Variants in NYNRIN observed in about 807,000 individuals in gnomAD.
NYNRIN encodes NYN domain and retroviral integrase containing.
A neutral mutation model predicts 146.6 loss-of-function variants in NYNRIN; 86 were observed. The observed-to-expected ratio is 0.59, with a 90% CI of 0.49 to 0.70. The LOEUF (loss-of-function observed/expected upper bound fraction) is 0.70, where lower values mean the gene tolerates loss of function less well. Among genes scored for constraint, NYNRIN ranks in the 30% least tolerant of loss-of-function variants. The probability of loss-of-function intolerance (pLI) is 0.00; values close to 1 mark genes in which losing one functional copy is unlikely to be tolerated. For synonymous variants in NYNRIN, 1,027 were observed against 1,001.3 expected (o/e 1.03, Z -0.48); for missense variants, 2,191 against 2,377.7 (o/e 0.92, Z 1.63).
rs2042949649 is a variant in NYNRIN, at chr14:24,416,650, A to T, written c.4901A>T (p.His1634Leu). The change falls in exon 9 of 9, where the codon CAT (histidine) becomes CTT (leucine). Residue 1634 changes from histidine to leucine, a missense_variant. Around this residue, in one of 3 missense-constraint regions of NYNRIN, gnomAD observed 1,291 missense variants for 1,417.0 expected, o/e 0.91. Transcript: ENST00000382554. ...PVTISEEGHK[H>L]VLIVADPNTR... ...ACCATAAGTGAGGAGGGCCATAAGC[A>T]TGTACTTATTGTGGCTGACCCAAAC... 2 of 1,613,804 alleles carry T rather than the reference A, an allele frequency of 1.2e-6. No individual in the cohort carries two copies. Among genetic ancestry groups the T allele is most frequent in the Non-Finnish European group, 1.7e-6 (2 of 1,179,880 alleles).
rs45560633 is a variant in NYNRIN, at chr14:24,415,613, G to A, written c.3864G>A (p.Ala1288=). 0.021 allele frequency: 33,293 copies of A among 1,613,884 alleles called. 435 individuals are homozygous for A. The highest frequency in any genetic ancestry group is 0.024 in the Non-Finnish European group (28,007 of 1,179,860). ...GGGAGAACCGCCTGCTCACCCCCGC[G>A]GCCTCCATGCCTCGCTTCTTCCAGG... ...LLGENRLLTP[A]ASMPRFFQVL... The change falls in exon 9 of 9, where the codon GCG becomes GCA. Residue 1288 remains alanine, a synonymous_variant. Coordinates refer to ENST00000382554, the MANE Select transcript of NYNRIN (RefSeq NM_025081.3).
rs897172842 is a variant in NYNRIN at position 24,404,966 on chromosome 14, C to G, written c.199-2903C>G. Among the ~76,000 whole-genome samples, 4 of 151,724 alleles carry G rather than the reference C, an allele frequency of 2.6e-5. No homozygotes were observed. In the South Asian group the frequency reaches 8.3e-4, roughly 32 times the overall value. The stretch of plus-strand genomic sequence containing the variant: ...TTTGTACTCCCTGGAGAACAGCCCT[C>G]CAGTGAGCGGGAAGCTACTTGCCAA... On this transcript the variant is annotated intron_variant, in intron 2 of 8. Transcript: ENST00000382554.
chr14:24,416,232 C>T lies in NYNRIN; in HGVS notation c.4483C>T (p.Leu1495=). Residue 1495 remains leucine (L), a synonymous_variant, in exon 9 of 9, where the codon CTG becomes TTG. Transcript: ENST00000382554. ...CACCCTGGCCGACATCATTGCCAGG[C>T]TGCAGGCTGGGCAGAAACTGTCTGG... ...DSTLADIIAR[L]QAGQKLSGSS... 1.2e-6 allele frequency: 2 copies of T among 1,613,984 alleles called. No homozygotes were observed. The highest frequency in any genetic ancestry group is 1.1e-5 in the South Asian group (1 of 91,086).
At chr14:24,406,304 AG>A (rs2042875699) in intron 2 of NYNRIN, among the ~76,000 whole-genome samples, 1 of 152,172 alleles carries the variant, frequency 6.6e-6, no homozygotes, top group African/African-American at 2.4e-5. Context: ...AGAAAGAGAA[AG>A]AAGCCACCCA....
chr14:24,407,781 G>A, intron 2 of NYNRIN, 88 bp from the exon 3 acceptor site: 6 of 1,289,560 alleles, frequency 4.7e-6, no homozygotes, highest in South Asian at 1.4e-5. Flanking sequence ...CATGGTTAGT[G>A]AGGGGCTGGC....
chr14:24,410,290 C>T, intron 4 of NYNRIN, 82 bp downstream of exon 4: 4 of 1,134,454 alleles, frequency 3.5e-6, no homozygotes, highest in Non-Finnish European at 5.0e-6. Context: ...ATGTGGGCAT[C>T]CCTTCCCAAC....
chr14:24,400,294 C>A (rs1386987102), intron 2 of NYNRIN, among the ~76,000 whole-genome samples: 1 of 152,346 alleles, frequency 6.6e-6, no homozygotes, highest in East Asian at 1.9e-4. Flanking sequence ...CTCTCACAAG[C>A]TTTTCCTCCC....
chr14:24,416,198 G>C lies in NYNRIN; in HGVS notation c.4449G>C (p.Leu1483=). The C allele has an allele frequency of 6.2e-7, 1 of 1,613,988 alleles. No homozygotes were observed. Among genetic ancestry groups the C allele is most frequent in the South Asian group, 1.1e-5 (1 of 91,084 alleles). The change falls in exon 9 of 9, where the codon CTG becomes CTC. Residue 1483 remains leucine (L), a synonymous_variant. Coordinates refer to ENST00000382554, the MANE Select transcript of NYNRIN (RefSeq NM_025081.3). The part of the protein sequence containing the change: ...GKRPNLLALQ[L]SDSTLADIIA... ...GGCCCAATTTGCTGGCATTACAGCT[G>C]AGTGACAGCACCCTGGCCGACATCA...
chr14:24,416,791 AG>A lies in NYNRIN; in HGVS notation c.5046del (p.Gln1684SerfsTer8). 6.2e-7 allele frequency: 1 copy of A among 1,612,998 alleles called. No individual in the cohort carries two copies. The highest frequency in any genetic ancestry group is 8.5e-7 in the Non-Finnish European group (1 of 1,179,428). On this transcript the variant is annotated frameshift_variant, in exon 9 of 9. Coordinates refer to ENST00000382554, the MANE Select transcript of NYNRIN (RefSeq NM_025081.3). LOFTEE classifies it high-confidence loss of function. ...WGVPVRLEAA[Q>X]GPQFARHVLV... The stretch of plus-strand genomic sequence containing the variant: ...GTTCCTGTGAGGCTGGAGGCAGCCC[AG>A]GGGCCCCAGTTTGCCCGGCACGTCC...
In NYNRIN at chr14:24,414,778, C is replaced by T; in HGVS notation, c.3029C>T (p.Thr1010Ile). The change falls in exon 9 of 9, where the codon ACA becomes ATA. Residue 1010 changes from threonine to isoleucine, a missense_variant. Thr to Ile is a moderately conservative substitution (Grantham distance 89, BLOSUM62 -1). Coordinates refer to ENST00000382554, the MANE Select transcript of NYNRIN (RefSeq NM_025081.3). ...QDEEQRQGQG[T>I]QKAAEEDDLD... Reference sequence around the variant, plus strand: ...GAGGAGCAGAGACAGGGGCAGGGCACACAGAAGGCGGCTGAGGAGGACGAC... The same window carrying T: ...GAGGAGCAGAGACAGGGGCAGGGCATACAGAAGGCGGCTGAGGAGGACGAC... 1 of 1,613,820 alleles carries T rather than the reference C, an allele frequency of 6.2e-7. No individual in the cohort carries two copies. The highest frequency in any genetic ancestry group is 8.5e-7 in the Non-Finnish European group (1 of 1,179,824).
At position 24,409,367 on chromosome 14, in the gene NYNRIN, G is replaced by A. The variant is rs761763445; in HGVS notation, c.1573G>A (p.Ala525Thr). 26 of 1,613,926 alleles carry A rather than the reference G, an allele frequency of 1.6e-5. No individual in the cohort carries two copies. In the South Asian group the frequency reaches 2.5e-4, roughly 16 times the overall value. The change falls in exon 4 of 9, where the codon GCT becomes ACT. Residue 525 changes from alanine to threonine, a missense_variant. By Grantham distance (58) the Ala-to-Thr change is moderately conservative. Around this residue, in one of 3 missense-constraint regions of NYNRIN, gnomAD observed 895 missense variants for 941.2 expected, o/e 0.95. Coordinates refer to ENST00000382554, the MANE Select transcript of NYNRIN (RefSeq NM_025081.3). Reference protein sequence around the residue: ...VLPTGQGKPVAQGGLTDQSVP... With the variant: ...VLPTGQGKPVTQGGLTDQSVP... ...GCCAACAGGGCAAGGGAAGCCCGTGGCTCAAGGGGGGCTGACAGATCAGTC... is the reference window on the plus strand; with the variant it reads ...GCCAACAGGGCAAGGGAAGCCCGTGACTCAAGGGGGGCTGACAGATCAGTC...
chr14:24,415,353 C>T lies in NYNRIN; in HGVS notation c.3604C>T (p.Pro1202Ser), dbSNP rs766822337. Residue 1202 changes from proline (P) to serine (S), a missense_variant, in exon 9 of 9, where the codon CCC (proline) becomes TCC (serine). This residue lies in a region of NYNRIN where 1,291 missense variants were observed against 1,417.0 expected (regional missense o/e 0.91). Transcript: ENST00000382554. ...CCTCCCTGATGAGGAGAGCCAGGGC[C>T]CCCAGTCAGGGGGTGACAGCCCCTA... ...PLLPDEESQGPQSGGDSPYAV... is the reference protein window; with the variant it reads ...PLLPDEESQGSQSGGDSPYAV... 39 of 1,613,834 alleles carry T rather than the reference C, an allele frequency of 2.4e-5. No homozygotes were observed. Among genetic ancestry groups the T allele is most frequent in the Non-Finnish European group, 3.1e-5 (36 of 1,179,876 alleles).
chr14:24,415,373 C>A lies in NYNRIN; in HGVS notation c.3624C>A (p.Ser1208Arg). 1 of 1,614,000 alleles carries A rather than the reference C, an allele frequency of 6.2e-7. No individual in the cohort carries two copies. Among genetic ancestry groups the A allele is most frequent in the Non-Finnish European group, 8.5e-7 (1 of 1,179,876 alleles). ...ESQGPQSGGD[S>R]PYAVAWALKH... Reference sequence around the variant, plus strand: ...AGGGCCCCCAGTCAGGGGGTGACAGCCCCTATGCTGTGGCCTGGGCCCTCA... The same window carrying A: ...AGGGCCCCCAGTCAGGGGGTGACAGACCCTATGCTGTGGCCTGGGCCCTCA... Residue 1208 changes from serine to arginine, a missense_variant, in exon 9 of 9, where the codon AGC becomes AGA. Around this residue, in one of 3 missense-constraint regions of NYNRIN, gnomAD observed 1,291 missense variants for 1,417.0 expected, o/e 0.91. Coordinates refer to ENST00000382554, the MANE Select transcript of NYNRIN (RefSeq NM_025081.3).
rs2042968958 is a variant in NYNRIN at position 24,419,222 on chromosome 14, A to T, written c.*1776A>T. 1 of 152,122 alleles carries T rather than the reference A, an allele frequency of 6.6e-6. No individual in the cohort carries two copies. Among genetic ancestry groups the T allele is most frequent in the South Asian group, 2.1e-4 (1 of 4,822 alleles). 9.4% of individuals were successfully genotyped at this position (152,122 alleles called of 1,614,324 possible). On this transcript the variant is annotated 3_prime_UTR_variant, in exon 9 of 9. Coordinates refer to ENST00000382554, the MANE Select transcript of NYNRIN (RefSeq NM_025081.3). ...CCCCCTGTTAGCTACATTTGTGATC[A>T]CATACCCTTCTTTTAAGTGAATTTT... is the stretch of plus-strand genomic sequence containing the variant.
chr14:24,411,151 A>C lies in NYNRIN; in HGVS notation c.2490A>C (p.Arg830=), dbSNP rs771137273. The change falls in exon 5 of 9, where the codon CGA becomes CGC. Residue 830 remains arginine, a synonymous_variant. Coordinates refer to ENST00000382554, the MANE Select transcript of NYNRIN (RefSeq NM_025081.3). The surrounding 1 kb of genome is among the most constrained non-coding windows in gnomAD (Gnocchi z 4.3). ...AVQFFWNRGH[R]EVTVFVPTWQ... is the part of the protein sequence containing the mutation. ...AGTTTTTCTGGAACCGGGGACACCGAGAGGTCACTGTGTTTGTACCCACCT... is the reference window on the plus strand; with the variant it reads ...AGTTTTTCTGGAACCGGGGACACCGCGAGGTCACTGTGTTTGTACCCACCT... 2.5e-6 allele frequency: 4 copies of C among 1,610,020 alleles called. No individual in the cohort carries two copies. In the African/African-American group the frequency reaches 5.4e-5, roughly 22 times the overall value.
rs1361455781 is a variant in NYNRIN, at chr14:24,418,313, G to A, written c.*867G>A. ...CCCGGCCTCTGTTTTAAGGGGGCAG[G>A]GCGTCTGCAACAGGAGTGGCACACG... On this transcript the variant is annotated 3_prime_UTR_variant, in exon 9 of 9. Coordinates refer to ENST00000382554, the MANE Select transcript of NYNRIN (RefSeq NM_025081.3). 2.2e-6 allele frequency: 1 copy of A among 456,036 alleles called. No individual in the cohort carries two copies. The highest frequency in any genetic ancestry group is 4.4e-6 in the Non-Finnish European group (1 of 226,632). 28.2% of individuals were successfully genotyped at this position (456,036 alleles called of 1,614,324 possible).
Position 24,416,000 on chromosome 14 carries a change from C to T in NYNRIN, c.4251C>T (p.Leu1417=). ...GCCTGCTCTCCTACATTATATCCCT[C>T]ACCTCTGGCCTCTCATCCCTTCCGT... The part of the protein sequence containing the change: ...HPSLLSYIIS[L]TSGLSSLPFI... The change falls in exon 9 of 9, where the codon CTC becomes CTT. Residue 1417 remains leucine, a synonymous_variant. Transcript: ENST00000382554. The T allele has an allele frequency of 6.2e-7, 1 of 1,614,034 alleles. No individual in the cohort carries two copies. Among genetic ancestry groups the T allele is most frequent in the East Asian group, 2.2e-5 (1 of 44,880 alleles).
In NYNRIN at chr14:24,416,858, C is replaced by T. The variant is rs370596600; in HGVS notation, c.5109C>T (p.Ser1703=). The T allele has an allele frequency of 3.1e-6, 5 of 1,608,412 alleles. No individual in the cohort carries two copies. The highest frequency in any genetic ancestry group is 1.1e-5 in the South Asian group (1 of 90,614). The change falls in exon 9 of 9, where the codon TCC becomes TCT. Residue 1703 remains serine, a synonymous_variant. Coordinates refer to ENST00000382554, the MANE Select transcript of NYNRIN (RefSeq NM_025081.3). ...TGGCCCTGGGAGCCCAGGTGGCCTC[C>T]CTGAGTCGGGACCTCCAGTTCCCCT... The part of the protein sequence containing the change: ...CGLALGAQVA[S]LSRDLQFPCL...
In NYNRIN at chr14:24,408,151, C is replaced by T. The variant is rs373738856; in HGVS notation, c.481C>T (p.Arg161Trp). Residue 161 changes from arginine to tryptophan, a missense_variant, in exon 3 of 9, where the codon CGG becomes TGG. This residue lies in a region of NYNRIN where 895 missense variants were observed against 941.2 expected (regional missense o/e 0.95). Coordinates refer to ENST00000382554, the MANE Select transcript of NYNRIN (RefSeq NM_025081.3). The part of the protein sequence containing the change: ...PRGIWEAEVT[R>W]AFGALVWIRG... ...GGGGATCTGGGAGGCTGAGGTGACC[C>T]GGGCCTTTGGGGCCCTGGTCTGGAT... 4.9e-5 allele frequency: 78 copies of T among 1,604,306 alleles called. No individual in the cohort carries two copies. The highest frequency in any genetic ancestry group is 6.3e-5 in the Non-Finnish European group (74 of 1,177,450).
Sources: allele counts gnomAD v4.1 joint callset (sites outside exome capture counted in the v4.1 genomes callset), GRCh38; gene constraint gnomAD v4.1.1; regional missense constraint gnomAD v4.1.1; non-coding constraint Gnocchi (gnomAD v3.1); transcripts MANE v1.5; gene names NCBI Gene and HGNC (gene_info 2026-07-23, HGNC 2026-07-21).